Variants in RASSF3 observed in about 807,000 individuals in gnomAD.
The protein encoded by RASSF3 is ras association domain-containing protein 3.
In RASSF3, 19 loss-of-function variants were observed where a neutral mutation model predicts 19.9. The ratio of observed to expected loss-of-function variants is 0.96; its 90% confidence interval spans 0.67 to 1.40. The LOEUF (loss-of-function observed/expected upper bound fraction) is 1.40. RASSF3 is among the 40% of genes most tolerant of loss of function. The pLI is 0.00. For missense variants in RASSF3, 306 were observed against 289.8 expected, an observed-to-expected ratio of 1.06 and a Z score of -0.41; for synonymous variants, 110 against 104.2, an observed-to-expected ratio of 1.06 and a Z score of -0.34.
At chr12:64,517,764 A>C (rs1868392842) in intron 1 of RASSF3, among the ~76,000 whole-genome samples, 1 of 151,812 alleles carries the variant, frequency 6.6e-6, no homozygotes, top group Non-Finnish European at 1.5e-5. Context: ...GACTACAGGC[A>C]CACACCAGCA....
At chr12:64,623,313 C>T (rs1183679580) in intron 1 of RASSF3, among the ~76,000 whole-genome samples, 1 of 152,138 alleles carries the variant, frequency 6.6e-6, no homozygotes, top group Non-Finnish European at 1.5e-5. Flanking sequence ...CAGGGCATTC[C>T]AAGGGAATTA....
At chr12:64,641,402 G>GCACACACACACACACACACA (rs1555213814) in intron 1 of RASSF3, among the ~76,000 whole-genome samples, 5 of 102,678 alleles carry the variant, frequency 4.9e-5, no homozygotes, top group Non-Finnish European at 1.2e-4. Context: ...TCTCACAGGC[G>GCACACACACACACACACACA]CACACACACA....
At chr12:64,648,907 G>A (rs1355527151) in intron 1 of RASSF3, among the ~76,000 whole-genome samples, 3 of 147,424 alleles carry the variant, frequency 2.0e-5, no homozygotes, top group Non-Finnish European at 4.5e-5. Flanking sequence ...CTGGACTCAG[G>A]TGATCCTCAC....
intron 2 of RASSF3, among the ~76,000 whole-genome samples, chr12:64,591,143 T>C (rs1869914103): frequency 1.3e-5 from 2 of 152,134 alleles, no homozygotes; most frequent in Non-Finnish European, 2.9e-5. Context: ...GGTGGAGTTA[T>C]TAAAAGTGGG....
At chr12:64,652,677 C>T (rs1416858655) in intron 1 of RASSF3, among the ~76,000 whole-genome samples, 1 of 152,094 alleles carries the variant, frequency 6.6e-6, no homozygotes, top group African/African-American at 2.4e-5. Context: ...TTTGCTTCAT[C>T]TTGCTTCTAA....
chr12:64,676,203 G>A (rs560684815), intron 1 of RASSF3, among the ~76,000 whole-genome samples: 3 of 124,294 alleles, frequency 2.4e-5, no homozygotes, highest in African/African-American at 9.1e-5. Context: ...ACGGAGTTTC[G>A]CTCTTGTTGC....
intron 2 of RASSF3, among the ~76,000 whole-genome samples, chr12:64,604,575 T>G (rs1461405426): frequency 6.6e-6 from 1 of 152,020 alleles, no homozygotes; most frequent in African/African-American, 2.4e-5. Context: ...GAACAGCCGC[T>G]GATTGTATCG....
intron 4 of RASSF3, 99 bp from the exon 5 acceptor site, chr12:64,694,664 A>AG: frequency 7.7e-7 from 1 of 1,299,434 alleles, no homozygotes; most frequent in Non-Finnish European, 1.1e-6. Context: ...TGGGGCTGGG[A>AG]GGGGAGGGCA....
chr12:64,610,698 C>G lies in RASSF3; in HGVS notation c.66C>G (p.Ser22=). Residue 22 remains serine, a synonymous_variant, in exon 1 of 5, where the codon TCC becomes TCG. Transcript: ENST00000542104. The stretch of plus-strand genomic sequence containing the variant: ...ACTTCTTCTTCACCGCCAGGACCTC[C>G]TTCTTCAGGAGAGCGCCCCAGGGCA... ...AEDFFFTART[S]FFRRAPQGKP... is the part of the protein sequence containing the mutation. 6.3e-7 allele frequency: 1 copy of G among 1,596,096 alleles called. No homozygotes were observed. The highest frequency in any genetic ancestry group is 8.5e-7 in the Non-Finnish European group (1 of 1,172,948).
downstream of RASSF3, among the ~76,000 whole-genome samples, chr12:64,546,173 GATA>G (rs977135633): frequency 2.6e-5 from 4 of 151,064 alleles, no homozygotes; most frequent in African/African-American, 9.7e-5. Flanking sequence ...ACACGCAGGT[GATA>G]ATGATACGTA....
intron 1 of RASSF3, among the ~76,000 whole-genome samples, chr12:64,650,637 G>A (rs1247203251): frequency 3.3e-5 from 5 of 151,860 alleles, no homozygotes; most frequent in African/African-American, 9.7e-5. Context: ...GACTGGTCTC[G>A]AACTCCTGAC....
chr12:64,512,674 A>G (rs1223331714), intron 1 of RASSF3, among the ~76,000 whole-genome samples: 3 of 152,314 alleles, frequency 2.0e-5, no homozygotes, highest in East Asian at 3.9e-4. Context: ...ATCAATAGTT[A>G]TTAGTCCCTG....
intron 1 of RASSF3, among the ~76,000 whole-genome samples, chr12:64,662,745 G>A (rs899824859): frequency 6.6e-6 from 1 of 152,160 alleles, no homozygotes; most frequent in African/African-American, 2.4e-5. Context: ...GTGTCTTTAA[G>A]CTCCTGCTGG....
At chr12:64,606,226 G>A (rs575870362), upstream of RASSF3, among the ~76,000 whole-genome samples, 34 of 152,314 alleles carry the variant, frequency 2.2e-4, no homozygotes, top group African/African-American at 7.9e-4. Flanking sequence ...CCCTGGCAAG[G>A]GGAATGGGAC....
chr12:64,690,968 C>T (rs111504060), intron 3 of RASSF3, among the ~76,000 whole-genome samples: 2,463 of 152,064 alleles, frequency 0.016, 81 homozygotes, highest in African/African-American at 0.057. Flanking sequence ...TTGAGTGATT[C>T]TCCTGCCTCG....
chr12:64,532,077 C>T (rs1349478355), upstream of RASSF3, among the ~76,000 whole-genome samples: 1 of 152,190 alleles, frequency 6.6e-6, no homozygotes, highest in East Asian at 1.9e-4. Context: ...AAAAGGACAG[C>T]TACCCGCAGA....
intron 1 of RASSF3, among the ~76,000 whole-genome samples, chr12:64,682,135 G>C (rs1480100123): frequency 6.6e-6 from 1 of 152,170 alleles, no homozygotes. Flanking sequence ...TTGGCAAATA[G>C]GATGCTCCCA....
intron 2 of RASSF3, among the ~76,000 whole-genome samples, chr12:64,552,821 CTTTCT>C (rs1346324324): frequency 1.3e-5 from 2 of 151,318 alleles, no homozygotes; most frequent in Non-Finnish European, 2.9e-5. Context: ...CTTTTTCTTT[CTTTCT>C]TTTTTTTGAG....
At chr12:64,691,671 T>C (rs1868283439) in intron 4 of RASSF3, 92 bp downstream of exon 4, 2 of 886,452 alleles carry the variant, frequency 2.3e-6, no homozygotes, top group Admixed American at 2.0e-5. Context: ...TGATGGGGGA[T>C]GGGAAGAGAA....
Sources: gnomAD v4.1 joint callset for allele counts (sites outside exome capture counted in the v4.1 genomes callset) on GRCh38, gnomAD v4.1.1 for gene constraint, MANE v1.5 for transcripts, NCBI Gene and HGNC (gene_info 2026-07-23, HGNC 2026-07-21) for gene names.